NDEL1: variants seen among roughly 807,000 people sequenced by gnomAD.
NDEL1 encodes the protein nudE neurodevelopment protein 1 like 1.
A neutral mutation model predicts 45.7 loss-of-function variants in NDEL1; 9 were observed. That is an observed-to-expected ratio of 0.20 (90% CI 0.12 to 0.34). The LOEUF (loss-of-function observed/expected upper bound fraction) is 0.34. Among genes scored for constraint, NDEL1 ranks in the 10% least tolerant of loss-of-function variants. The pLI is 1.00. For synonymous variants in NDEL1, 133 were observed against 158.6 expected, an observed-to-expected ratio of 0.84 and a Z score of 1.21; for missense variants, 306 against 406.2, an observed-to-expected ratio of 0.75 and a Z score of 2.12.
chr17:8,419,719 A>C (rs549066317), intron 1 of NDEL1, among the ~76,000 whole-genome samples: 2 of 152,194 alleles, frequency 1.3e-5, no homozygotes, highest in East Asian at 3.8e-4. Context: ...ATTCTTTTTC[A>C]GGTTACATTA....
At chr17:8,452,802 CG>C (rs1440333454) in intron 6 of NDEL1, among the ~76,000 whole-genome samples, 1 of 118,872 alleles carries the variant, frequency 8.4e-6, no homozygotes, top group African/African-American at 3.3e-5. Flanking sequence ...TGCAATGGTG[CG>C]ATCTTGGCTC....
Position 8,466,975 on chromosome 17 carries a change from CTCCTCGCGT to C in NDEL1, c.991_999del (p.Ser331_Arg333del). The C allele has an allele frequency of 6.2e-7, 1 of 1,614,242 alleles. No homozygotes were observed. The highest frequency in any genetic ancestry group is 8.5e-7 in the Non-Finnish European group (1 of 1,180,050). ...CCGCTCCTCCTCCTCCTGGTCTGGG[CTCCTCGCGT>C]CCATCGTCAGCGCCGGGTATGCTGC... On this transcript the variant is annotated inframe_deletion, in exon 9 of 9. Coordinates refer to ENST00000334527, the MANE Select transcript of NDEL1 (RefSeq NM_030808.5).
intron 4 of NDEL1, among the ~76,000 whole-genome samples, chr17:8,447,672 G>A (rs891745571): frequency 5.3e-5 from 8 of 152,102 alleles, no homozygotes; most frequent in Admixed American, 1.3e-4. Flanking sequence ...TCTGAACAAC[G>A]TGCAGTGGCT....
chr17:8,420,317 C>T (rs1908670703), intron 1 of NDEL1, among the ~76,000 whole-genome samples: 1 of 152,056 alleles, frequency 6.6e-6, no homozygotes, highest in African/African-American at 2.4e-5. Context: ...CAAGAGGCTG[C>T]CCCCCCAAAA....
intron 3 of NDEL1, 53 bp downstream of exon 3, chr17:8,445,917 A>C: frequency 7.3e-7 from 1 of 1,364,596 alleles, no homozygotes; most frequent in Admixed American, 3.0e-5. Context: ...TATTAAAATG[A>C]GAAATATGTT....
At chr17:8,449,273 G>A (rs370348902) in intron 5 of NDEL1, among the ~76,000 whole-genome samples, 2 of 152,114 alleles carry the variant, frequency 1.3e-5, no homozygotes, top group African/African-American at 4.8e-5. Context: ...GAGCCACCGC[G>A]CCTGGCCCCA....
chr17:8,460,239 A>G (rs1044481918), intron 8 of NDEL1, 79 bp downstream of exon 8: 8 of 1,471,388 alleles, frequency 5.4e-6, no homozygotes, highest in Non-Finnish European at 7.4e-6. Context: ...TGAAGCCTTG[A>G]AAAGGTAAAC....
At chr17:8,432,228 G>A (rs1193803262), upstream of NDEL1, 4 of 149,276 alleles carry the variant, frequency 2.7e-5, no homozygotes, top group Non-Finnish European at 5.9e-5. Context: ...AAGAATTGAG[G>A]ATCTGGGGAT....
chr17:8,454,463 A>G (rs143439237), intron 6 of NDEL1, among the ~76,000 whole-genome samples: 2 of 152,248 alleles, frequency 1.3e-5, no homozygotes. Context: ...TTTAGAGAGC[A>G]TTTTGGCAGT....
At chr17:8,414,656 G>A (rs1444218594) in intron 1 of NDEL1, among the ~76,000 whole-genome samples, 1 of 151,810 alleles carries the variant, frequency 6.6e-6, no homozygotes, top group East Asian at 1.9e-4. Context: ...GACAGAGCGA[G>A]ACTCCATCTC....
downstream of NDEL1, among the ~76,000 whole-genome samples, chr17:8,471,058 G>A (rs564716341): frequency 1.3e-5 from 2 of 152,370 alleles, no homozygotes; most frequent in African/African-American, 2.4e-5. Flanking sequence ...GCCTTGTCTC[G>A]TGTGTTGGTG....
At chr17:8,457,475 G>A (rs1011958110) in intron 7 of NDEL1, among the ~76,000 whole-genome samples, 3 of 152,098 alleles carry the variant, frequency 2.0e-5, no homozygotes, top group East Asian at 1.9e-4. Flanking sequence ...TCAAAATAAC[G>A]ACCTCCAAAA....
chr17:8,454,699 A>G, intron 6 of NDEL1, 97 bp from the exon 7 acceptor site: 1 of 818,096 alleles, frequency 1.2e-6, no homozygotes, highest in Non-Finnish European at 2.0e-6. Context: ...GTTTGTTGAT[A>G]TTGTATTGAG....
In NDEL1 at chr17:8,465,696, C is replaced by T. The variant is rs1567745417; in HGVS notation, c.945-1234C>T. The T allele has an allele frequency of 6.6e-6, 1 of 151,988 alleles. No homozygotes were observed. The highest frequency in any genetic ancestry group is 1.5e-5 in the Non-Finnish European group (1 of 68,068). 9.4% of individuals were successfully genotyped at this position (151,988 alleles called of 1,614,324 possible). A position where few individuals can be genotyped will look rare whatever the true frequency, so the allele number is the denominator to read the frequency against. ...TCTGTATTTAGCTCCCTGGAGCCGT[C>T]TGATGAGTAGGTGGGGGCAGTAGTG... On this transcript the variant is annotated intron_variant, in intron 8 of 8. Coordinates refer to ENST00000334527, the MANE Select transcript of NDEL1 (RefSeq NM_030808.5). This position sits in a 1 kb window ranked among gnomAD's most constrained non-coding sequence, Gnocchi z 4.9.
intron 8 of NDEL1, chr17:8,464,102 A>T (rs1343301180): frequency 2.0e-5 from 3 of 152,270 alleles, no homozygotes; most frequent in Non-Finnish European, 2.9e-5. Context: ...AGTAGCTTCT[A>T]AGTGTGCCTT....
chr17:8,424,710 T>C (rs572883066), intron 1 of NDEL1, among the ~76,000 whole-genome samples: 338 of 152,354 alleles, frequency 2.2e-3, no homozygotes, highest in African/African-American at 7.9e-3. Context: ...TTCACCGTGT[T>C]AGCCAGGATG....
chr17:8,425,760 C>A (rs1397977439), intron 1 of NDEL1, among the ~76,000 whole-genome samples: 1 of 151,890 alleles, frequency 6.6e-6, no homozygotes, highest in African/African-American at 2.4e-5. Context: ...CTTGTTACTG[C>A]TGGCATACTC....
rs1294368717 is a variant in NDEL1, at chr17:8,466,704, G to T, written c.945-226G>T. On this transcript the variant is annotated intron_variant, in intron 8 of 8. Coordinates refer to ENST00000334527, the MANE Select transcript of NDEL1 (RefSeq NM_030808.5). ...TGGCTTCCGTGGCCAGTGTGCGGCA[G>T]TTGCCAAACAGGTCATGTGGTCCTG... 3 of 569,650 alleles carry T rather than the reference G, an allele frequency of 5.3e-6. No individual in the cohort carries two copies. In the South Asian group the frequency reaches 6.4e-5, roughly 12 times the overall value. 35.3% of individuals were successfully genotyped at this position (569,650 alleles called of 1,614,324 possible).
intron 1 of NDEL1, among the ~76,000 whole-genome samples, chr17:8,414,482 A>G (rs1356758301): frequency 1.3e-5 from 2 of 152,240 alleles, no homozygotes; most frequent in East Asian, 1.9e-4. Flanking sequence ...CCTGGCTAAC[A>G]TGGTGAAACC....
Sources: gnomAD v4.1 joint callset for allele counts (sites outside exome capture counted in the v4.1 genomes callset) on GRCh38, gnomAD v4.1.1 for gene constraint, Gnocchi (gnomAD v3.1) non-coding constraint, MANE v1.5 for transcripts, NCBI Gene and HGNC (gene_info 2026-07-23, HGNC 2026-07-21) for gene names.